Variants in AMMECR1 observed in about 807,000 individuals in gnomAD.
AMMECR1 encodes AMMECR nuclear protein 1.
A neutral mutation model predicts 22.5 loss-of-function variants in AMMECR1; 3 were observed. The observed-to-expected ratio is 0.13, with a 90% confidence interval of 0.06 to 0.35. AMMECR1 has a LOEUF of 0.35. Ranked by LOEUF, AMMECR1 falls within the 10% of genes least tolerant of loss-of-function variation. The pLI is 1.00. For synonymous variants in AMMECR1, 130 were observed against 116.7 expected, an observed-to-expected ratio of 1.11 and a Z score of -0.74; for missense variants, 235 against 278.7, an observed-to-expected ratio of 0.84 and a Z score of 1.12.
At chrX:110,328,715 T>C (rs1445847715) in intron 2 of AMMECR1, among the ~76,000 whole-genome samples, 4 of 106,661 alleles carry the variant, frequency 3.8e-5, no homozygotes, top group Non-Finnish European at 7.7e-5. Context: ...GAACATGTGG[T>C]GTTTGGTTTT....
At chrX:110,390,579 ATCC>A (rs1307852888) in intron 2 of AMMECR1, among the ~76,000 whole-genome samples, 1 of 111,361 alleles carries the variant, frequency 9.0e-6, no homozygotes, top group African/African-American at 3.3e-5. Flanking sequence ...ACTACTGTAG[ATCC>A]AAAAAACAGA....
At chrX:110,272,507 T>G (rs2067804525) in intron 1 of AMMECR1, among the ~76,000 whole-genome samples, 1 of 112,011 alleles carries the variant, frequency 8.9e-6, no homozygotes, top group Admixed American at 9.4e-5. Flanking sequence ...TAAGCGTTTT[T>G]TATTTGTCTT....
rs1602771006 is a variant in AMMECR1 at position 110,198,467 on chromosome X, C to T, written c.*53G>A. On this transcript the variant is annotated 3_prime_UTR_variant, in exon 6 of 6. Coordinates refer to ENST00000262844, the MANE Select transcript of AMMECR1 (RefSeq NM_015365.3). ...TAGCTAGACCAAGAAGGTGTAGGGTCTCCTGGGAAGAGGTCTGCAGAGAGG... is the reference window on the plus strand; with the variant it reads ...TAGCTAGACCAAGAAGGTGTAGGGTTTCCTGGGAAGAGGTCTGCAGAGAGG... 3.7e-6 allele frequency: 3 copies of T among 813,199 alleles called. No homozygotes were observed. Among genetic ancestry groups the T allele is most frequent in the East Asian group, 3.4e-5 (1 of 29,258 alleles). 67.0% of individuals were successfully genotyped at this position (813,199 alleles called of 1,213,427 possible). A position where few individuals can be genotyped will look rare whatever the true frequency, so the allele number is the denominator to read the frequency against.
intron 2 of AMMECR1, among the ~76,000 whole-genome samples, chrX:110,334,637 A>G (rs1040140678): frequency 1.2e-4 from 13 of 111,750 alleles, no homozygotes; most frequent in African/African-American, 4.3e-4. Flanking sequence ...TGTTTTCCTT[A>G]GCTTTTCTTT....
At chrX:110,223,710 C>G (rs762750657) in intron 2 of AMMECR1, among the ~76,000 whole-genome samples, 1 of 111,906 alleles carries the variant, frequency 8.9e-6, no homozygotes, top group Admixed American at 9.5e-5. Context: ...TTCCCCAGAC[C>G]CATCAAAAGT....
intron 2 of AMMECR1, among the ~76,000 whole-genome samples, chrX:110,393,237 C>G (rs988476767): frequency 9.2e-6 from 1 of 108,731 alleles, no homozygotes; most frequent in African/African-American, 3.4e-5. Flanking sequence ...CTTCCAGGAC[C>G]CTCATTTTCC....
At chrX:110,343,293 C>A (rs1231126254) in intron 2 of AMMECR1, among the ~76,000 whole-genome samples, 1 of 111,843 alleles carries the variant, frequency 8.9e-6, no homozygotes, top group East Asian at 2.8e-4. Flanking sequence ...AATTCAACAG[C>A]CCGTCATGCT....
chrX:110,307,217 G>A (rs1380725111), intron 1 of AMMECR1: 2 of 103,927 alleles, frequency 1.9e-5, no homozygotes, highest in Non-Finnish European at 3.9e-5. Flanking sequence ...TTGCACTCTA[G>A]CCTGGGTGAT....
At chrX:110,217,224 C>T (rs2067477914) in intron 2 of AMMECR1, among the ~76,000 whole-genome samples, 1 of 108,079 alleles carries the variant, frequency 9.3e-6, no homozygotes, top group Admixed American at 9.9e-5. Flanking sequence ...AAGAAATAAT[C>T]ATGCAAATTA....
At chrX:110,385,197 A>G (rs371331850) in intron 2 of AMMECR1, among the ~76,000 whole-genome samples, 12 of 111,505 alleles carry the variant, frequency 1.1e-4, no homozygotes, top group Middle Eastern at 4.6e-3. Context: ...CCATCTATCA[A>G]ATAGAAACAA....
chrX:110,293,442 G>C (rs144746072), intron 1 of AMMECR1, among the ~76,000 whole-genome samples: 1,463 of 111,485 alleles, frequency 0.013, 24 homozygotes, highest in African/African-American at 0.044. Flanking sequence ...CAATGATCTA[G>C]CATTCTGAGT....
intron 2 of AMMECR1, among the ~76,000 whole-genome samples, chrX:110,247,516 C>A (rs1057321068): frequency 8.1e-5 from 9 of 111,681 alleles, no homozygotes; most frequent in Non-Finnish European, 1.7e-4. Context: ...CATGGTGAAA[C>A]CCCGTCTCTA....
intron 1 of AMMECR1, among the ~76,000 whole-genome samples, chrX:110,294,475 G>A (rs2067924896): frequency 8.9e-6 from 1 of 112,125 alleles, no homozygotes; most frequent in Non-Finnish European, 1.9e-5. Context: ...CCTACACTAG[G>A]AATCTTGTTT....
intron 2 of AMMECR1, among the ~76,000 whole-genome samples, chrX:110,363,674 T>G (rs1436168191): frequency 9.0e-6 from 1 of 110,928 alleles, no homozygotes; most frequent in Non-Finnish European, 1.9e-5. Context: ...ACTGACACAT[T>G]TATTGACTTT....
chrX:110,343,488 G>T (rs2148239605), intron 2 of AMMECR1, among the ~76,000 whole-genome samples: 1 of 111,050 alleles, frequency 9.0e-6, no homozygotes, highest in African/African-American at 3.3e-5. Context: ...GGAAGTTCTG[G>T]CCAGGGCAAT....
intron 2 of AMMECR1, among the ~76,000 whole-genome samples, chrX:110,356,399 C>A (rs966346147): frequency 9.1e-6 from 1 of 110,111 alleles, no homozygotes; most frequent in Admixed American, 9.8e-5. Context: ...AGGTGATCCA[C>A]CTGCCTCGGC....
intron 1 of AMMECR1, among the ~76,000 whole-genome samples, chrX:110,427,001 G>T (rs982685372): frequency 3.6e-5 from 4 of 112,263 alleles, no homozygotes; most frequent in African/African-American, 1.3e-4. Flanking sequence ...AAACCCAAGA[G>T]TTGTAGTTCA....
Position 110,214,738 on chromosome X carries a change from C to T in AMMECR1, c.699+1780G>A, listed in dbSNP as rs186843177. ...ACACACATGCACACACACAGAAACACACATGCCAGAACTGTACTTCCAACT... is the reference window on the plus strand; with the variant it reads ...ACACACATGCACACACACAGAAACATACATGCCAGAACTGTACTTCCAACT... On this transcript the variant is annotated intron_variant, in intron 3 of 5. Coordinates refer to ENST00000262844, the MANE Select transcript of AMMECR1 (RefSeq NM_015365.3). 2.7e-5 allele frequency among the ~76,000 whole-genome samples: 3 copies of T among 111,446 alleles called. No individual in the cohort carries two copies. The Admixed American group carries it at 2.9e-4, about 11-fold the overall frequency.
intron 1 of AMMECR1, among the ~76,000 whole-genome samples, chrX:110,291,817 G>A (rs1312868677): frequency 9.0e-6 from 1 of 111,681 alleles, no homozygotes; most frequent in Non-Finnish European, 1.9e-5. Context: ...CCCAGAGAGG[G>A]AACTCTTTTC....
Sources: gnomAD v4.1 joint callset for allele counts (sites outside exome capture counted in the v4.1 genomes callset) on GRCh38, gnomAD v4.1.1 for gene constraint, MANE v1.5 for transcripts, NCBI Gene and HGNC (gene_info 2026-07-23, HGNC 2026-07-21) for gene names.